The following TNS4 variants were observed in gnomAD, a reference collection of about 807,000 sequenced individuals.
The protein encoded by TNS4 is tensin-4.
A neutral mutation model predicts 70.4 loss-of-function variants in TNS4; 46 were observed. That is an observed-to-expected ratio of 0.65 (90% CI 0.52 to 0.84). The LOEUF is 0.84. Ranked by LOEUF, TNS4 falls within the 40% of genes least tolerant of loss-of-function variation. The pLI, the probability that TNS4 is intolerant of heterozygous loss-of-function variation, is 0.00. For missense variants in TNS4, 863 were observed against 907.0 expected (o/e 0.95, Z 0.62); for synonymous variants, 390 against 366.6 (o/e 1.06, Z -0.73).
At position 40,487,241 on chromosome 17, in the gene TNS4, G is replaced by T; in HGVS notation, c.1083C>A (p.Cys361Ter). The T allele has an allele frequency of 1.2e-6, 2 of 1,614,210 alleles. No individual in the cohort carries two copies. The highest frequency in any genetic ancestry group is 1.7e-6 in the Non-Finnish European group (2 of 1,180,026). ...PPLAKEHASS[C>*]PPSITNSMVD... is the part of the protein sequence containing the mutation. ...CCATGGAGTTGGTGATGGATGGGGGGCAGCTGCTGGCATGTTCTTTGGCCA... is the reference window on the plus strand; with the variant it reads ...CCATGGAGTTGGTGATGGATGGGGGTCAGCTGCTGGCATGTTCTTTGGCCA... Residue 361 changes from cysteine to a stop codon, truncating the protein, a stop_gained, in exon 4 of 13, where the codon TGC becomes TGA. Coordinates refer to ENST00000254051, the MANE Select transcript of TNS4 (RefSeq NM_032865.6). LOFTEE classifies it high-confidence loss of function.
At position 40,484,936 on chromosome 17, in the gene TNS4, T is replaced by C. The variant is rs758896657; in HGVS notation, c.1360A>G (p.Ile454Val). The C allele has an allele frequency of 3.1e-6, 5 of 1,614,238 alleles. No homozygotes were observed. The highest frequency in any genetic ancestry group is 4.2e-6 in the Non-Finnish European group (5 of 1,180,036). Residue 454 changes from isoleucine (I) to valine (V), a missense_variant, in exon 5 of 13, where the codon ATC becomes GTC. Ile to Val is a conservative substitution (Grantham distance 29, BLOSUM62 3). Coordinates refer to ENST00000254051, the MANE Select transcript of TNS4 (RefSeq NM_032865.6). ...TTCCTTTTACCTTGCTCTCGGGTGATGTTTGGCTTAAACCAGTATTTAGAT... is the reference window on the plus strand; with the variant it reads ...TTCCTTTTACCTTGCTCTCGGGTGACGTTTGGCTTAAACCAGTATTTAGAT... Reference protein sequence around the residue: ...DTSKYWFKPNITREQAIELLR... With the variant: ...DTSKYWFKPNVTREQAIELLR...
chr17:40,482,953 A>ATT (rs530839797), intron 6 of TNS4, among the ~76,000 whole-genome samples: 7 of 140,674 alleles, frequency 5.0e-5, no homozygotes, highest in Non-Finnish European at 9.3e-5. Context: ...GTTATCAGGG[A>ATT]TTTTTTTTTT....
At chr17:40,488,137 A>T (rs1455936467) in intron 3 of TNS4, among the ~76,000 whole-genome samples, 3 of 151,980 alleles carry the variant, frequency 2.0e-5, no homozygotes, top group Middle Eastern at 3.4e-3. Flanking sequence ...GGGCTGCCTC[A>T]CTCCTTTGCT....
chr17:40,479,883 G>C (rs757789141), intron 9 of TNS4, 41 bp from the exon 10 acceptor site: 4 of 1,566,246 alleles, frequency 2.6e-6, no homozygotes, highest in Non-Finnish European at 3.5e-6. Context: ...CTGACCCAGG[G>C]CCCAGGTTCT....
intron 9 of TNS4, chr17:40,480,053 T>C (rs2035901221): frequency 5.1e-6 from 3 of 592,444 alleles, no homozygotes; most frequent in Non-Finnish European, 8.7e-6. Flanking sequence ...TGCATCGCCC[T>C]GGCCCCTGGC....
intron 2 of TNS4, among the ~76,000 whole-genome samples, chr17:40,492,775 A>G (rs1018574542): frequency 3.3e-5 from 5 of 151,672 alleles, no homozygotes; most frequent in African/African-American, 9.7e-5. Flanking sequence ...GGTGGCTCAT[A>G]CCTGTAATCC....
chr17:40,477,467 C>A lies in TNS4; in HGVS notation c.*121G>T, dbSNP rs2035862282. The A allele has an allele frequency of 7.4e-7, 1 of 1,358,982 alleles. No homozygotes were observed. The highest frequency in any genetic ancestry group is 1.0e-6 in the Non-Finnish European group (1 of 1,001,446). 84.2% of individuals were successfully genotyped at this position (1,358,982 alleles called of 1,614,324 possible). A position where few individuals can be genotyped will look rare whatever the true frequency, so the allele number is the denominator to read the frequency against. ...TCAAGGGTGTCAACTTGATGCCAAT[C>A]CCCCTAGTCCCATAGATTGGTCTGT... On this transcript the variant is annotated 3_prime_UTR_variant, in exon 13 of 13. Transcript: ENST00000254051.
rs556604001 is a variant in TNS4 at position 40,477,399 on chromosome 17, C to T, written c.*189G>A. 2.9e-4 allele frequency: 183 copies of T among 624,904 alleles called. 4 individuals are homozygous for T. In the South Asian group the frequency reaches 4.2e-3, roughly 14 times the overall value. The allele number at this position is 624,904 out of a possible 1,614,324, so 38.7% of individuals were successfully genotyped here. The stretch of plus-strand genomic sequence containing the variant: ...TTCTATGATTGAGGAAACTGAGGCC[C>T]GGGGGGTCTGGATGATGGTGACTGC... On this transcript the variant is annotated 3_prime_UTR_variant, in exon 13 of 13. Transcript: ENST00000254051.
At chr17:40,482,602 ACAC>A (rs2035939670) in intron 6 of TNS4, among the ~76,000 whole-genome samples, 186 bp from the exon 7 acceptor site, 1 of 151,496 alleles carries the variant, frequency 6.6e-6, no homozygotes, top group Non-Finnish European at 1.5e-5. Context: ...ACACACACAC[ACAC>A]ACACACACAC....
chr17:40,482,498 C>G lies in TNS4; in HGVS notation c.1502-82G>C, dbSNP rs553063199. 7 of 1,349,912 alleles carry G rather than the reference C, an allele frequency of 5.2e-6. No homozygotes were observed. The East Asian group carries it at 9.3e-5, about 18-fold the overall frequency. 83.6% of individuals were successfully genotyped at this position (1,349,912 alleles called of 1,614,324 possible). A position where few individuals can be genotyped will look rare whatever the true frequency, so the allele number is the denominator to read the frequency against. ...GTGGCTCACGCCTGTAATCCCAGCACTTTGGGAGGCCGAGGTGGGCAGATC... is the reference window on the plus strand; with the variant it reads ...GTGGCTCACGCCTGTAATCCCAGCAGTTTGGGAGGCCGAGGTGGGCAGATC... On this transcript the variant is annotated intron_variant, in intron 6 of 12. Transcript: ENST00000254051.
In TNS4 at chr17:40,483,109, C is replaced by T. The variant is rs549304617; in HGVS notation, c.1502-693G>A. Among the ~76,000 whole-genome samples the T allele has an allele frequency of 1.8e-4, 27 of 152,172 alleles. No individual in the cohort carries two copies. The South Asian group carries it at 4.4e-3, about 25-fold the overall frequency. On this transcript the variant is annotated intron_variant, in intron 6 of 12. Transcript: ENST00000254051. Reference sequence around the variant, plus strand: ...GGACTACAGGCGTGCCCCACCATGTCGGGCTAATTCTTTTGTAGAGACAAG... The same window carrying T: ...GGACTACAGGCGTGCCCCACCATGTTGGGCTAATTCTTTTGTAGAGACAAG...
intron 5 of TNS4, 79 bp from the exon 6 acceptor site, chr17:40,484,688 G>A: frequency 6.3e-7 from 1 of 1,577,014 alleles, no homozygotes; most frequent in Non-Finnish European, 8.6e-7. Flanking sequence ...TCTTCACAGA[G>A]CAGATGTTAC....
At chr17:40,496,987 G>A (rs566709476) in intron 1 of TNS4, among the ~76,000 whole-genome samples, 1 of 152,290 alleles carries the variant, frequency 6.6e-6, no homozygotes, top group African/African-American at 2.4e-5. Flanking sequence ...CCATTTTACA[G>A]GGAGAGAACT....
chr17:40,495,241 T>G (rs985849629), intron 2 of TNS4, among the ~76,000 whole-genome samples: 7 of 152,204 alleles, frequency 4.6e-5, no homozygotes, highest in Non-Finnish European at 4.4e-5. Flanking sequence ...CCCTCCATAC[T>G]ATTATCTGTG....
At chr17:40,495,954 C>G (rs201266623) in intron 2 of TNS4, 33 bp downstream of exon 2, 4 of 1,568,534 alleles carry the variant, frequency 2.6e-6, no homozygotes, top group Non-Finnish European at 3.4e-6. Flanking sequence ...TGGCACCAAG[C>G]CCCCCTCCTG....
intron 4 of TNS4, among the ~76,000 whole-genome samples, chr17:40,486,666 T>C (rs1477582472): frequency 6.6e-6 from 1 of 152,092 alleles, no homozygotes; most frequent in East Asian, 1.9e-4. Flanking sequence ...CCTTCATGAC[T>C]GTGGACCCCC....
At chr17:40,494,401 A>G (rs2036114038) in intron 2 of TNS4, among the ~76,000 whole-genome samples, 1 of 152,202 alleles carries the variant, frequency 6.6e-6, no homozygotes. Context: ...CTCCTTACTT[A>G]ACCCCAGCAA....
At chr17:40,488,478 A>T (rs1427402760) in intron 3 of TNS4, 68 bp downstream of exon 3, 21 of 1,392,834 alleles carry the variant, frequency 1.5e-5, no homozygotes, top group Non-Finnish European at 1.8e-5. Flanking sequence ...CCTTTCAGTG[A>T]TTTTAGGGGG....
At chr17:40,501,315 C>T (rs2143842769) in intron 1 of TNS4, among the ~76,000 whole-genome samples, 1 of 152,150 alleles carries the variant, frequency 6.6e-6, no homozygotes, top group South Asian at 2.1e-4. Flanking sequence ...GGCATGGTGG[C>T]AAACATCTGT....
Sources: allele counts gnomAD v4.1 joint callset (sites outside exome capture counted in the v4.1 genomes callset), GRCh38; gene constraint gnomAD v4.1.1; transcripts MANE v1.5; gene names NCBI Gene and HGNC (gene_info 2026-07-23, HGNC 2026-07-21).